Variants in SNTG1 observed in about 807,000 individuals in gnomAD.
The protein encoded by SNTG1 is syntrophin gamma 1, also known as gamma-1-syntrophin.
Under a neutral mutation model 74.7 loss-of-function variants are expected in SNTG1, and 39 were observed. That is an observed-to-expected ratio of 0.52 (90% CI 0.40 to 0.68). The LOEUF is 0.68. SNTG1 is among the 30% of genes least tolerant of loss of function. SNTG1 has a pLI of 0.00. For missense variants in SNTG1, 685 were observed against 609.5 expected (o/e 1.12, Z -1.30); for synonymous variants, 254 against 217.1 (o/e 1.17, Z -1.49).
At chr8:50,116,409 G>A (rs1395702683) in intron 1 of SNTG1, among the ~76,000 whole-genome samples, 1 of 151,846 alleles carries the variant, frequency 6.6e-6, no homozygotes, top group Non-Finnish European at 1.5e-5. Context: ...CCACTCTTAG[G>A]TCTTTTATTT....
At chr8:50,491,891 C>CG (rs1389751497) in intron 8 of SNTG1, among the ~76,000 whole-genome samples, 7 of 151,368 alleles carry the variant, frequency 4.6e-5, no homozygotes, top group South Asian at 2.1e-4. Flanking sequence ...CCCCCGCCCC[C>CG]CTACCACCCG....
chr8:50,637,649 C>T (rs574250174), intron 13 of SNTG1, among the ~76,000 whole-genome samples: 53 of 151,972 alleles, frequency 3.5e-4, no homozygotes, highest in African/African-American at 8.9e-4. Flanking sequence ...CCAAGCAATG[C>T]GCAGGATTGG....
intron 1 of SNTG1, among the ~76,000 whole-genome samples, chr8:50,103,578 C>A (rs1459470534): frequency 4.9e-4 from 75 of 152,112 alleles, no homozygotes; most frequent in Non-Finnish European, 8.8e-5. Context: ...ATTGCCCTGG[C>A]CAGAACTTCC....
At chr8:50,187,468 A>G (rs1027062880) in intron 2 of SNTG1, among the ~76,000 whole-genome samples, 1 of 152,200 alleles carries the variant, frequency 6.6e-6, no homozygotes. Context: ...AGCCATACGC[A>G]GAAAGCTGAA....
chr8:50,317,462 C>CT (rs1190468705), intron 2 of SNTG1, among the ~76,000 whole-genome samples: 3 of 152,138 alleles, frequency 2.0e-5, no homozygotes, highest in Non-Finnish European at 4.4e-5. Flanking sequence ...GCAGAAGACT[C>CT]TAAGTGGAAA....
chr8:50,103,577 G>C (rs2080238206), intron 1 of SNTG1, among the ~76,000 whole-genome samples: 1 of 152,046 alleles, frequency 6.6e-6, no homozygotes. Context: ...AATTGCCCTG[G>C]CCAGAACTTC....
chr8:50,093,989 T>A (rs1441917291), intron 1 of SNTG1, among the ~76,000 whole-genome samples: 1 of 152,148 alleles, frequency 6.6e-6, no homozygotes, highest in Non-Finnish European at 1.5e-5. Context: ...GGAAAAGCCA[T>A]CTGTCTATGT....
chr8:50,507,562 T>C (rs1200337812), intron 9 of SNTG1, among the ~76,000 whole-genome samples: 1 of 152,200 alleles, frequency 6.6e-6, no homozygotes, highest in Non-Finnish European at 1.5e-5. Flanking sequence ...GTATGTCACA[T>C]ATTTCTAGAA....
At chr8:49,986,395 G>A (rs867565815) in intron 1 of SNTG1, among the ~76,000 whole-genome samples, 14 of 152,166 alleles carry the variant, frequency 9.2e-5, no homozygotes, top group African/African-American at 2.9e-4. Flanking sequence ...TCTAATTATC[G>A]ATTAAGTCAA....
intron 1 of SNTG1, among the ~76,000 whole-genome samples, chr8:49,996,893 T>C (rs185066875): frequency 1.3e-5 from 2 of 152,272 alleles, no homozygotes; most frequent in South Asian, 2.1e-4. Context: ...TATAATTGCA[T>C]AGCCAAATCA....
intron 9 of SNTG1, among the ~76,000 whole-genome samples, chr8:50,509,472 T>C (rs1263383096): frequency 2.0e-5 from 3 of 151,922 alleles, no homozygotes; most frequent in Non-Finnish European, 4.4e-5. Flanking sequence ...GGTAGCTTGA[T>C]GGGGATGGCA....
At chr8:50,057,964 T>C (rs1021389885) in intron 1 of SNTG1, among the ~76,000 whole-genome samples, 1 of 152,198 alleles carries the variant, frequency 6.6e-6, no homozygotes, top group African/African-American at 2.4e-5. Context: ...TATTTGCATG[T>C]AATTTGATAA....
At position 50,119,648 on chromosome 8, in the gene SNTG1, A is replaced by G. The variant is rs2080931580; in HGVS notation, c.-102-52913A>G. On this transcript the variant is annotated intron_variant, in intron 1 of 18. Coordinates refer to ENST00000642720, the MANE Select transcript of SNTG1 (RefSeq NM_018967.5). ...ATTAGATGAGATAATAGGTAAACAGATAATAGCTAGCATTGAGCTAGCTAG... is the reference window on the plus strand; with the variant it reads ...ATTAGATGAGATAATAGGTAAACAGGTAATAGCTAGCATTGAGCTAGCTAG... 1.4e-5 allele frequency among the ~76,000 whole-genome samples: 2 copies of G among 142,004 alleles called. 1 individual carries two copies. 93.2% of individuals were successfully genotyped at this position (142,004 alleles called of 152,430 possible).
intron 2 of SNTG1, among the ~76,000 whole-genome samples, chr8:50,237,843 A>C (rs567113671): frequency 5.6e-4 from 86 of 152,218 alleles, no homozygotes; most frequent in African/African-American, 2.0e-3. Flanking sequence ...GTTATACATT[A>C]CTTGTCCTGA....
At chr8:50,711,848 C>T (rs952169594) in intron 17 of SNTG1, among the ~76,000 whole-genome samples, 2 of 152,090 alleles carry the variant, frequency 1.3e-5, no homozygotes, top group Admixed American at 1.3e-4. Flanking sequence ...TACAGCTCAG[C>T]TTGTTCTTTG....
At chr8:50,136,809 A>G (rs1048425510) in intron 1 of SNTG1, among the ~76,000 whole-genome samples, 14 of 152,158 alleles carry the variant, frequency 9.2e-5, no homozygotes, top group African/African-American at 3.1e-4. Context: ...ATGGCAACTC[A>G]CAGGGACTCT....
intron 1 of SNTG1, among the ~76,000 whole-genome samples, chr8:50,152,413 G>A (rs1586499850): frequency 6.6e-6 from 1 of 152,228 alleles, no homozygotes; most frequent in African/African-American, 2.4e-5. Flanking sequence ...TTACATTTAA[G>A]GTTAATATTG....
At chr8:50,429,500 C>G (rs182292984) in intron 4 of SNTG1, among the ~76,000 whole-genome samples, 1 of 152,176 alleles carries the variant, frequency 6.6e-6, no homozygotes, top group Admixed American at 6.5e-5. Flanking sequence ...CATGAAAAAT[C>G]TAAATTTAAG....
chr8:49,926,006 A>C (rs1806989659), intron 1 of SNTG1, among the ~76,000 whole-genome samples: 2 of 152,220 alleles, frequency 1.3e-5, no homozygotes, highest in Admixed American at 1.3e-4. Flanking sequence ...TAGGTAGACC[A>C]GGTACTAGAG....
Sources: allele counts gnomAD v4.1 joint callset (sites outside exome capture counted in the v4.1 genomes callset), GRCh38; gene constraint gnomAD v4.1.1; transcripts MANE v1.5; gene names NCBI Gene and HGNC (gene_info 2026-07-23, HGNC 2026-07-21).